EHBP1: variants seen among roughly 807,000 people sequenced by gnomAD.
EHBP1 encodes the protein EH domain-binding protein 1.
A neutral mutation model predicts 144.0 loss-of-function variants in EHBP1; 55 were observed. That is an observed-to-expected ratio of 0.38 (90% CI 0.31 to 0.48). The LOEUF (loss-of-function observed/expected upper bound fraction) is 0.48. Among genes scored for constraint, EHBP1 ranks in the 20% least tolerant of loss-of-function variants. The pLI is 0.98. For synonymous variants in EHBP1, 469 were observed against 472.7 expected (o/e 0.99, Z 0.10); for missense variants, 1,200 against 1,364.2 (o/e 0.88, Z 1.90).
chr2:62,955,758 C>A, intron 14 of EHBP1, 98 bp downstream of exon 14: 1 of 1,326,660 alleles, frequency 7.5e-7, no homozygotes, highest in Non-Finnish European at 1.0e-6. Flanking sequence ...TATTTTTCTA[C>A]GGACTGTACA....
intron 9 of EHBP1, among the ~76,000 whole-genome samples, chr2:62,869,577 A>G (rs1287680952): frequency 6.6e-6 from 1 of 152,184 alleles, no homozygotes; most frequent in East Asian, 1.9e-4. Flanking sequence ...TATGCAAACA[A>G]TCTATAGTGA....
chr2:63,029,565 G>T (rs934415475), intron 19 of EHBP1, among the ~76,000 whole-genome samples: 2 of 151,344 alleles, frequency 1.3e-5, no homozygotes, highest in Non-Finnish European at 2.9e-5. Context: ...TGTAGTCTTG[G>T]GTTCTGCACT....
chr2:62,958,970 C>T (rs1016070030), intron 14 of EHBP1, among the ~76,000 whole-genome samples: 6 of 152,142 alleles, frequency 3.9e-5, no homozygotes, highest in Non-Finnish European at 8.8e-5. Context: ...TATTGCAGGT[C>T]TGCATTACTT....
intron 10 of EHBP1, among the ~76,000 whole-genome samples, chr2:62,940,516 C>T (rs540102327): frequency 1.3e-5 from 2 of 152,238 alleles, no homozygotes; most frequent in African/African-American, 4.8e-5. Context: ...CCTGCCACAT[C>T]TGTAAAATCA....
intron 5 of EHBP1, among the ~76,000 whole-genome samples, chr2:62,781,583 A>G (rs1407215200): frequency 6.6e-6 from 1 of 152,170 alleles, no homozygotes; most frequent in Non-Finnish European, 1.5e-5. Flanking sequence ...AGTACTTTTG[A>G]TAGTTGTCTG....
rs568135156 is a variant in EHBP1, at chr2:63,017,268, C to T, written c.3104-20267C>T. 7.2e-5 allele frequency among the ~76,000 whole-genome samples: 11 copies of T among 152,324 alleles called. No individual in the cohort carries two copies. In the East Asian group the frequency reaches 1.9e-3, roughly 27 times the overall value. ...TGAACTCCCAACCTTCAGTGACCTG[C>T]CTGCCTCGGCCTCCCAAAGTGCTGG... On this transcript the variant is annotated intron_variant, in intron 19 of 22. Transcript: ENST00000431489.
intron 15 of EHBP1, among the ~76,000 whole-genome samples, chr2:62,982,649 A>G (rs1470466483): frequency 6.6e-6 from 1 of 152,204 alleles, no homozygotes; most frequent in Non-Finnish European, 1.5e-5. Context: ...TAGATGGAGA[A>G]CTAGGGTAGG....
intron 5 of EHBP1, among the ~76,000 whole-genome samples, chr2:62,787,218 A>C (rs2042868026): frequency 6.6e-6 from 1 of 152,310 alleles, no homozygotes; most frequent in African/African-American, 2.4e-5. Context: ...AATTATACTT[A>C]ATAAATATCA....
intron 7 of EHBP1, among the ~76,000 whole-genome samples, chr2:62,835,107 G>C (rs925105277): frequency 6.6e-6 from 1 of 151,880 alleles, no homozygotes; most frequent in African/African-American, 2.4e-5. Flanking sequence ...TGTAAACAAT[G>C]GTTTTTTTAG....
rs966608173 is a variant in EHBP1 at position 62,993,936 on chromosome 2, A to T, written c.2938A>T (p.Thr980Ser). Residue 980 changes from threonine (T) to serine (S), a missense_variant, in exon 18 of 23, where the codon ACT becomes TCT. Transcript: ENST00000431489. Reference protein sequence around the residue: ...KKGNEEKAAITETQRKPSEDE... With the variant: ...KKGNEEKAAISETQRKPSEDE... ...AGGAAATGAGGAGAAGGCAGCGATA[A>T]CTGAAACTCAGAGGAAGCCATCAGA... 6.3e-7 allele frequency: 1 copy of T among 1,589,740 alleles called. No homozygotes were observed. The highest frequency in any genetic ancestry group is 8.6e-7 in the Non-Finnish European group (1 of 1,165,508).
In EHBP1 at chr2:62,949,133, C is replaced by T. The variant is rs751638709; in HGVS notation, c.2287C>T (p.His763Tyr). 1 of 1,563,428 alleles carries T rather than the reference C, an allele frequency of 6.4e-7. No homozygotes were observed. The highest frequency in any genetic ancestry group is 1.2e-5 in the South Asian group (1 of 82,284). ...DPDADRTTLN[H>Y]ADHSSKIVQH... is the part of the protein sequence containing the mutation. ...AGATGCTGATAGAACCACTTTAAATCATGCAGATCATTCATCAAAAATAGT... is the reference window on the plus strand; with the variant it reads ...AGATGCTGATAGAACCACTTTAAATTATGCAGATCATTCATCAAAAATAGT... Residue 763 changes from histidine (H) to tyrosine (Y), a missense_variant, in exon 13 of 23, where the codon CAT becomes TAT. Coordinates refer to ENST00000431489, the MANE Select transcript of EHBP1 (RefSeq NM_001142616.3).
Position 63,045,183 on chromosome 2 carries a change from G to A in EHBP1, c.3392+3G>A. ...GACCTGGACGCGCAGGAGAAGCAGT[G>A]AGTGGGCAGTGGGGTCGGGTCGAGG... is the stretch of plus-strand genomic sequence containing the variant. On this transcript the variant is annotated splice_donor_region_variant and intron_variant, in intron 22 of 22. Coordinates refer to ENST00000431489, the MANE Select transcript of EHBP1 (RefSeq NM_001142616.3). The surrounding 1 kb of genome is among the most constrained non-coding windows in gnomAD (Gnocchi z 5.7). 6.3e-7 allele frequency: 1 copy of A among 1,579,216 alleles called. No individual in the cohort carries two copies. The highest frequency in any genetic ancestry group is 1.8e-5 in the Admixed American group (1 of 55,276).
In EHBP1 at chr2:63,045,015, C is replaced by T; in HGVS notation, c.3278-51C>T. On this transcript the variant is annotated intron_variant, in intron 21 of 22. Transcript: ENST00000431489. The surrounding 1 kb of genome is among the most constrained non-coding windows in gnomAD (Gnocchi z 5.7). ...AGGCGGGAAGGGGAGGGCGGGGGGC[C>T]GGGTGTTCGGAGGCCCTGCCGGTGG... is the stretch of plus-strand genomic sequence containing the variant. The T allele has an allele frequency of 7.3e-7, 1 of 1,368,256 alleles. No individual in the cohort carries two copies. Among genetic ancestry groups the T allele is most frequent in the Non-Finnish European group, 1.0e-6 (1 of 985,670 alleles). The allele number at this position is 1,368,256 out of a possible 1,614,324, so 84.8% of individuals were successfully genotyped here. A position where few individuals can be genotyped will look rare whatever the true frequency, so the allele number is the denominator to read the frequency against.
chr2:62,839,469 A>C (rs906787250), intron 7 of EHBP1, among the ~76,000 whole-genome samples: 3 of 147,732 alleles, frequency 2.0e-5, no homozygotes, highest in African/African-American at 7.6e-5. Flanking sequence ...CCTATTCAAC[A>C]TAGTGTTGGA....
chr2:62,962,935 T>A (rs1455757545), intron 14 of EHBP1, among the ~76,000 whole-genome samples: 1 of 152,178 alleles, frequency 6.6e-6, no homozygotes, highest in Non-Finnish European at 1.5e-5. Context: ...TAATGGCCCA[T>A]CCATTACACT....
intron 5 of EHBP1, among the ~76,000 whole-genome samples, chr2:62,795,790 T>C (rs1246412125): frequency 4.6e-5 from 7 of 152,098 alleles, no homozygotes; most frequent in African/African-American, 1.7e-4. Flanking sequence ...GTTTTAATTT[T>C]CCCCCTGTGG....
rs185835114 is a variant in EHBP1 at position 62,756,676 on chromosome 2, G to A, written c.163-7590G>A. Among the ~76,000 whole-genome samples, 727 of 151,544 alleles carry A rather than the reference G, an allele frequency of 4.8e-3. 6 individuals carry two copies. The highest frequency in any genetic ancestry group is 8.6e-3 in the Non-Finnish European group (581 of 67,948). On this transcript the variant is annotated intron_variant, in intron 3 of 22. Coordinates refer to ENST00000431489, the MANE Select transcript of EHBP1 (RefSeq NM_001142616.3). ...CCCAGCTACGCGGGCGCTGAGGCAG[G>A]AGAATAGCTTGAACCCGGGTGGTGG... is the stretch of plus-strand genomic sequence containing the variant.
chr2:62,701,687 T>C (rs2034286052), upstream of EHBP1, among the ~76,000 whole-genome samples: 1 of 152,160 alleles, frequency 6.6e-6, no homozygotes, highest in Non-Finnish European at 1.5e-5. Context: ...GAAAAACAAC[T>C]ACTACAGAAA....
intron 8 of EHBP1, among the ~76,000 whole-genome samples, chr2:62,864,129 C>T (rs891135405): frequency 6.6e-6 from 1 of 151,864 alleles, no homozygotes; most frequent in African/African-American, 2.4e-5. Context: ...ATTACAGGTG[C>T]AAGAGACTAT....
Sources: allele counts gnomAD v4.1 joint callset (sites outside exome capture counted in the v4.1 genomes callset), GRCh38; gene constraint gnomAD v4.1.1; non-coding constraint Gnocchi (gnomAD v3.1); transcripts MANE v1.5; gene names NCBI Gene and HGNC (gene_info 2026-07-23, HGNC 2026-07-21).